Variants in PCDH11X observed in about 807,000 individuals in gnomAD.
PCDH11X encodes the protein protocadherin-11 X-linked.
Under a neutral mutation model 53.3 loss-of-function variants are expected in PCDH11X, and 18 were observed. The observed-to-expected ratio is 0.34, with a 90% CI of 0.23 to 0.50. The LOEUF (loss-of-function observed/expected upper bound fraction) is 0.50. Ranked by LOEUF, PCDH11X falls within the 20% of genes least tolerant of loss-of-function variation. PCDH11X has a pLI of 0.98. For synonymous variants in PCDH11X, 279 were observed against 393.3 expected (o/e 0.71, Z 3.44); for missense variants, 570 against 1,032.4 (o/e 0.55, Z 6.14).
intron 6 of PCDH11X, among the ~76,000 whole-genome samples, chrX:92,103,821 C>G (rs1055200450): frequency 1.5e-4 from 17 of 111,953 alleles, no homozygotes; most frequent in African/African-American, 5.5e-4. Flanking sequence ...GGAATTGCAA[C>G]TTTTTTCTGT....
intron 8 of PCDH11X, among the ~76,000 whole-genome samples, chrX:92,293,343 G>T (rs972468951): frequency 4.5e-5 from 5 of 110,240 alleles, no homozygotes; most frequent in Non-Finnish European, 9.4e-5. Context: ...TAAAGCTGTG[G>T]GCCAGACACG....
At chrX:92,369,074 C>G (rs766315837) in intron 8 of PCDH11X, among the ~76,000 whole-genome samples, 1 of 95,261 alleles carries the variant, frequency 1.0e-5, no homozygotes, top group South Asian at 4.7e-4. Flanking sequence ...CTCTTCAGAG[C>G]CAGCAGGCAG....
chrX:92,087,945 TATATATATAAGAAATATATATAAGAA>T (rs201166873), intron 6 of PCDH11X, among the ~76,000 whole-genome samples: 11 of 105,691 alleles, frequency 1.0e-4, no homozygotes, highest in African/African-American at 3.1e-4. Context: ...ATATATATGA[TATATATATAAGAAATATATATAAGAA>T]ATATATATAA....
chrX:92,390,215 C>A (rs1377768375), intron 9 of PCDH11X, among the ~76,000 whole-genome samples: 1 of 109,351 alleles, frequency 9.1e-6, no homozygotes, highest in Non-Finnish European at 1.9e-5. Flanking sequence ...AATGTGAAAC[C>A]TCCCCCCTAA....
chrX:92,191,401 A>G (rs2066190469), intron 6 of PCDH11X, among the ~76,000 whole-genome samples: 1 of 112,141 alleles, frequency 8.9e-6, no homozygotes, highest in Admixed American at 9.5e-5. Context: ...TTGTAGACCA[A>G]TTTAGGTCAA....
At chrX:92,275,633 G>A (rs1156315112) in intron 8 of PCDH11X, among the ~76,000 whole-genome samples, 2 of 111,948 alleles carry the variant, frequency 1.8e-5, no homozygotes, top group Non-Finnish European at 3.8e-5. Flanking sequence ...GGGGTGGATA[G>A]GCAAAACAAT....
chrX:91,921,268 C>A (rs1471654490), intron 6 of PCDH11X, among the ~76,000 whole-genome samples: 1 of 110,304 alleles, frequency 9.1e-6, no homozygotes, highest in African/African-American at 3.3e-5. Context: ...GTCAATATCC[C>A]CCACCAGAGT....
chrX:92,450,182 G>T (rs1371144627), intron 9 of PCDH11X, among the ~76,000 whole-genome samples: 1 of 110,239 alleles, frequency 9.1e-6, no homozygotes. Context: ...ACAATGCTAG[G>T]CTAAGAAATC....
chrX:92,239,500 C>T (rs1338516717), intron 7 of PCDH11X, among the ~76,000 whole-genome samples: 1 of 111,470 alleles, frequency 9.0e-6, no homozygotes, highest in Non-Finnish European at 1.9e-5. Flanking sequence ...AACTTGAGTA[C>T]TGATGCAGAG....
chrX:92,020,655 TCC>T (rs200143580), intron 6 of PCDH11X, among the ~76,000 whole-genome samples: 4,344 of 110,228 alleles, frequency 0.039, 220 homozygotes, highest in African/African-American at 0.14. Flanking sequence ...TAGGTGGGAT[TCC>T]CCCCAATAAA....
intron 9 of PCDH11X, among the ~76,000 whole-genome samples, chrX:92,426,899 A>G (rs2072130767): frequency 9.0e-6 from 1 of 110,653 alleles, no homozygotes; most frequent in African/African-American, 3.3e-5. Flanking sequence ...TAGCCCAACT[A>G]ATTTGGACAA....
At chrX:92,600,599 C>A (rs957726689) in intron 10 of PCDH11X, among the ~76,000 whole-genome samples, 93 of 109,998 alleles carry the variant, frequency 8.5e-4, no homozygotes, top group African/African-American at 2.9e-3. Flanking sequence ...GGGGCAGAAT[C>A]CTCACGGAGA....
At chrX:92,600,204 G>A (rs2556797) in intron 10 of PCDH11X, among the ~76,000 whole-genome samples, 27,623 of 101,227 alleles carry the variant, frequency 0.27, 5,095 homozygotes, top group African/African-American at 0.56. Context: ...AGCTGGCTGG[G>A]GAAAATTTCA....
chrX:92,424,295 A>AT (rs1170336482), intron 9 of PCDH11X, among the ~76,000 whole-genome samples: 2 of 91,375 alleles, frequency 2.2e-5, no homozygotes, highest in Non-Finnish European at 4.8e-5. Flanking sequence ...GATAATGCTG[A>AT]TTTTTTTCTT....
At chrX:92,540,351 C>T (rs2074735030) in intron 10 of PCDH11X, among the ~76,000 whole-genome samples, 1 of 109,051 alleles carries the variant, frequency 9.2e-6, no homozygotes, top group Non-Finnish European at 1.9e-5. Flanking sequence ...ACCACCAGCC[C>T]ATAAGGCGTT....
At chrX:92,195,138 G>A (rs1320880736) in intron 6 of PCDH11X, among the ~76,000 whole-genome samples, 1 of 111,136 alleles carries the variant, frequency 9.0e-6, no homozygotes, top group Admixed American at 9.6e-5. Flanking sequence ...ACTCTTAAAC[G>A]AAGATTAGTT....
chrX:92,222,917 TA>T (rs1178876635), intron 7 of PCDH11X, among the ~76,000 whole-genome samples: 1 of 112,484 alleles, frequency 8.9e-6, no homozygotes, highest in Non-Finnish European at 1.9e-5. Flanking sequence ...AGTGTAAAGT[TA>T]CTTTCATGCC....
chrX:92,160,594 T>C, intron 6 of PCDH11X, among the ~76,000 whole-genome samples: 1 of 109,337 alleles, frequency 9.1e-6, no homozygotes, highest in Non-Finnish European at 1.9e-5. Context: ...ATTTTTGCAA[T>C]TGTAAATTTT....
intron 8 of PCDH11X, among the ~76,000 whole-genome samples, chrX:92,280,783 AT>A (rs1283486107): frequency 5.3e-4 from 58 of 109,288 alleles, no homozygotes; most frequent in South Asian, 7.8e-4. Context: ...AATCAAATAT[AT>A]TTTTTTTAAA....
Sources: gnomAD v4.1 joint callset for allele counts (sites outside exome capture counted in the v4.1 genomes callset) on GRCh38, gnomAD v4.1.1 for gene constraint, MANE v1.5 for transcripts, NCBI Gene and HGNC (gene_info 2026-07-23, HGNC 2026-07-21) for gene names.